TRPM8: variants seen among roughly 807,000 people sequenced by gnomAD.
TRPM8 encodes the protein TRPM8 cationic channel.
Under a neutral mutation model 133.7 loss-of-function variants are expected in TRPM8, and 110 were observed. The ratio of observed to expected loss-of-function variants is 0.82; its 90% CI spans 0.70 to 0.96. The LOEUF (loss-of-function observed/expected upper bound fraction) is 0.96, where lower values mean the gene tolerates loss of function less well. Among genes scored for constraint, TRPM8 ranks in the 40% least tolerant of loss-of-function variants. TRPM8 has a pLI of 0.00. For missense variants in TRPM8, 1,291 were observed against 1,379.5 expected (o/e 0.94, Z 1.02); for synonymous variants, 535 against 532.3 (o/e 1.01, Z -0.07).
At chr2:233,937,747 C>T (rs1022499982) in intron 4 of TRPM8, among the ~76,000 whole-genome samples, 3 of 152,162 alleles carry the variant, frequency 2.0e-5, no homozygotes, top group Admixed American at 6.5e-5. Context: ...TGTGTCCACA[C>T]GCAAGGCAGG....
chr2:233,945,708 G>A (rs766978968), intron 6 of TRPM8, 148 bp from the exon 7 acceptor site: 73 of 625,884 alleles, frequency 1.2e-4, no homozygotes, highest in Non-Finnish European at 1.6e-4. Flanking sequence ...CTATAAGATC[G>A]CTAAGACCCC....
At chr2:233,954,214 G>A (rs1691237235) in intron 10 of TRPM8, among the ~76,000 whole-genome samples, 195 bp downstream of exon 10, 1 of 152,134 alleles carries the variant, frequency 6.6e-6, no homozygotes, top group Non-Finnish European at 1.5e-5. Context: ...GTATTTGATA[G>A]AATAATAATT....
chr2:233,947,935 G>A (rs551863555), intron 8 of TRPM8, among the ~76,000 whole-genome samples: 1 of 152,190 alleles, frequency 6.6e-6, no homozygotes, highest in Admixed American at 6.5e-5. Flanking sequence ...CCCATAGGTA[G>A]TTTAAAAAAA....
intron 12 of TRPM8, 28 bp downstream of exon 12, chr2:233,961,094 A>C (rs1363357631): frequency 2.5e-6 from 4 of 1,601,892 alleles, no homozygotes. Flanking sequence ...TGCCTGCTTG[A>C]GTTCTCGGAT....
At chr2:233,952,254 G>C (rs556835334) in intron 9 of TRPM8, among the ~76,000 whole-genome samples, 2 of 152,136 alleles carry the variant, frequency 1.3e-5, no homozygotes, top group African/African-American at 4.8e-5. Context: ...AGACAAAACA[G>C]AATTTGAAAA....
In TRPM8 at chr2:233,969,731, C is replaced by A. The variant is rs199605594; in HGVS notation, c.2062C>A (p.Arg688=). The A allele has an allele frequency of 6.2e-7, 1 of 1,613,582 alleles. No homozygotes were observed. The highest frequency in any genetic ancestry group is 1.1e-5 in the South Asian group (1 of 91,050). ...LSKQWYGEIS[R]DTKNWKIILC... The stretch of plus-strand genomic sequence containing the variant: ...TAAGCAATGGTATGGAGAGATTTCC[C>A]GAGACACCAAGAACTGGAAGATTAT... The change falls in exon 16 of 26, where the codon CGA becomes AGA. Residue 688 remains arginine, a synonymous_variant. Coordinates refer to ENST00000324695, the MANE Select transcript of TRPM8 (RefSeq NM_024080.5).
chr2:233,970,286 T>C lies in TRPM8; in HGVS notation c.2215T>C (p.Ser739Pro), dbSNP rs377385182. The C allele has an allele frequency of 4.3e-6, 7 of 1,614,076 alleles. No homozygotes were observed. The highest frequency in any genetic ancestry group is 5.9e-6 in the Non-Finnish European group (7 of 1,180,032). ...CTTCACCTCCCCCTTCGTGGTCTTC[T>C]CCTGGAATGTGGTCTTCTACATCGC... is the stretch of plus-strand genomic sequence containing the variant. ...AFFTSPFVVF[S>P]WNVVFYIAFL... is the part of the protein sequence containing the mutation. The change falls in exon 17 of 26, where the codon TCC becomes CCC. Residue 739 changes from serine to proline, a missense_variant. By Grantham distance (74) the Ser-to-Pro change is moderately conservative (BLOSUM62 -1). Transcript: ENST00000324695.
chr2:233,925,073 TG>T, intron 1 of TRPM8, among the ~76,000 whole-genome samples: 1 of 152,194 alleles, frequency 6.6e-6, no homozygotes, highest in East Asian at 1.9e-4. Context: ...CCCCCTGGGC[TG>T]AGGGTCTGAG....
rs578156247 is a variant in TRPM8, at chr2:233,960,994, G to C, written c.1581G>C (p.Leu527=). 6.2e-7 allele frequency: 1 copy of C among 1,614,194 alleles called. No homozygotes were observed. Among genetic ancestry groups the C allele is most frequent in the African/African-American group, 1.3e-5 (1 of 75,040 alleles). Residue 527 remains leucine, a synonymous_variant, in exon 12 of 26, where the codon CTG becomes CTC. Transcript: ENST00000324695. The part of the protein sequence containing the change: ...NDALLTFVWK[L]VANFRRGFRK... ...CCCTCCTCACGTTTGTCTGGAAACT[G>C]GTTGCGAACTTCCGAAGAGGCTTCC...
intron 5 of TRPM8, among the ~76,000 whole-genome samples, chr2:233,941,156 C>T (rs541756492): frequency 6.6e-6 from 1 of 152,100 alleles, no homozygotes; most frequent in South Asian, 2.1e-4. Flanking sequence ...ATCATAGTGA[C>T]GTATATGTCA....
intron 21 of TRPM8, among the ~76,000 whole-genome samples, chr2:233,992,975 C>T (rs1692318078): frequency 6.6e-6 from 1 of 152,196 alleles, no homozygotes; most frequent in African/African-American, 2.4e-5. Flanking sequence ...AGCATCGCTC[C>T]ATTAGGAGCC....
At position 234,014,551 on chromosome 2, in the gene TRPM8, C is replaced by T; in HGVS notation, c.3265-11C>T. ...ATCTTAAGATGAGTTCTATTTTTTT[C>T]TCTTTCCAAGCTTAATGATCTCAAG... On this transcript the variant is annotated splice_polypyrimidine_tract_variant and intron_variant, in intron 24 of 25. Transcript: ENST00000324695. 6.6e-7 allele frequency: 1 copy of T among 1,518,806 alleles called. No homozygotes were observed. The highest frequency in any genetic ancestry group is 1.4e-5 in the African/African-American group (1 of 69,610). 94.1% of individuals were successfully genotyped at this position (1,518,806 alleles called of 1,614,324 possible).
intron 20 of TRPM8, among the ~76,000 whole-genome samples, chr2:233,984,425 C>T (rs1034382361): frequency 3.9e-5 from 6 of 152,156 alleles, no homozygotes; most frequent in Admixed American, 3.9e-4. Context: ...TCCCCCGATG[C>T]CCTCCTGTGA....
intron 11 of TRPM8, among the ~76,000 whole-genome samples, chr2:233,960,572 T>C (rs1691407881): frequency 6.6e-6 from 1 of 152,190 alleles, no homozygotes; most frequent in African/African-American, 2.4e-5. Context: ...CATTCTCCTG[T>C]TTAGAGGTTT....
At chr2:233,938,488 T>C (rs2125083878) in intron 4 of TRPM8, among the ~76,000 whole-genome samples, 1 of 152,324 alleles carries the variant, frequency 6.6e-6, no homozygotes, top group Middle Eastern at 3.4e-3. Flanking sequence ...AGAGCACGGT[T>C]TGGTTTCATA....
chr2:234,000,302 G>T (rs911048608), intron 22 of TRPM8, among the ~76,000 whole-genome samples: 2 of 151,882 alleles, frequency 1.3e-5, no homozygotes, highest in African/African-American at 4.8e-5. Context: ...GTAGAGATGG[G>T]GTTTCACTAT....
At chr2:234,000,869 G>T (rs1443039163) in intron 22 of TRPM8, among the ~76,000 whole-genome samples, 7 of 152,182 alleles carry the variant, frequency 4.6e-5, no homozygotes, top group Admixed American at 4.6e-4. Context: ...AGTAGGGACA[G>T]GTTTCGCCAT....
chr2:233,950,656 G>A (rs1691153047), intron 9 of TRPM8, among the ~76,000 whole-genome samples: 1 of 152,230 alleles, frequency 6.6e-6, no homozygotes, highest in Non-Finnish European at 1.5e-5. Flanking sequence ...GCAGACCAGG[G>A]CACTAGTGCT....
intron 17 of TRPM8, among the ~76,000 whole-genome samples, chr2:233,971,334 G>A (rs992844446): frequency 1.3e-5 from 2 of 152,190 alleles, no homozygotes; most frequent in African/African-American, 4.8e-5. Flanking sequence ...AACTCTGACA[G>A]ACTTTTTTTA....
Sources: gnomAD v4.1 joint callset for allele counts (sites outside exome capture counted in the v4.1 genomes callset) on GRCh38, gnomAD v4.1.1 for gene constraint, MANE v1.5 for transcripts, NCBI Gene and HGNC (gene_info 2026-07-23, HGNC 2026-07-21) for gene names.